Variants in TUSC3 observed in about 807,000 individuals in gnomAD.
TUSC3 encodes dolichyl-diphosphooligosaccharide--protein glycosyltransferase subunit TUSC3.
A neutral mutation model predicts 44.8 loss-of-function variants in TUSC3; 45 were observed. The ratio of observed to expected loss-of-function variants is 1.00; its 90% CI spans 0.79 to 1.29. The LOEUF is 1.29. Ranked by LOEUF, TUSC3 falls within the 50% of genes most tolerant of loss-of-function variation. The pLI is 0.00. For synonymous variants in TUSC3, 212 were observed against 152.9 expected, an observed-to-expected ratio of 1.39 and a Z score of -2.85; for missense variants, 519 against 437.9, an observed-to-expected ratio of 1.19 and a Z score of -1.65.
At chr8:15,782,925 G>A in the TUSC3 span, among the ~76,000 whole-genome samples, 2 of 152,076 alleles carry the variant, frequency 1.3e-5, no homozygotes, top group African/African-American at 4.8e-5. Context: ...AAAAGGAAGA[G>A]CGAATTGTGT....
At chr8:15,446,787 A>G (rs868118355) in intron 1 of TUSC3, among the ~76,000 whole-genome samples, 17 of 151,578 alleles carry the variant, frequency 1.1e-4, no homozygotes, top group South Asian at 4.2e-4. Flanking sequence ...TAACTCTTTA[A>G]GAATAATTTA....
chr8:15,490,972 GC>G (rs201425659), intron 2 of TUSC3, among the ~76,000 whole-genome samples: 2 of 151,978 alleles, frequency 1.3e-5, no homozygotes, highest in Non-Finnish European at 2.9e-5. Context: ...AGGGTCTGGG[GC>G]CCCCCCAATC....
intron 2 of TUSC3, among the ~76,000 whole-genome samples, chr8:15,485,598 T>G (rs1218190328): frequency 1.3e-5 from 2 of 151,684 alleles, no homozygotes; most frequent in African/African-American, 4.8e-5. Flanking sequence ...TAATCATGGG[T>G]ACTTTCCCAA....
intron 1 of TUSC3, among the ~76,000 whole-genome samples, chr8:15,609,468 C>G (rs1804669580): frequency 1.3e-5 from 2 of 152,026 alleles, no homozygotes; most frequent in East Asian, 3.9e-4. Flanking sequence ...TTTCTTATAT[C>G]TGGTACTTGT....
chr8:15,556,106 C>A (rs909605726), intron 1 of TUSC3, among the ~76,000 whole-genome samples: 2 of 150,416 alleles, frequency 1.3e-5, no homozygotes, highest in African/African-American at 4.9e-5. Flanking sequence ...ACTGCACCCA[C>A]TAACTCGTCA....
At chr8:15,506,258 T>A (rs1247544113) in intron 2 of TUSC3, among the ~76,000 whole-genome samples, 3 of 152,148 alleles carry the variant, frequency 2.0e-5, no homozygotes, top group Non-Finnish European at 4.4e-5. Context: ...TCTCTCTCAG[T>A]CCCACTCTCC....
chr8:15,564,901 A>G (rs1471023414), intron 1 of TUSC3, among the ~76,000 whole-genome samples: 1 of 152,076 alleles, frequency 6.6e-6, no homozygotes, highest in Non-Finnish European at 1.5e-5. Context: ...GATAGAAGAG[A>G]AGGAGAGAGG....
the TUSC3 span, among the ~76,000 whole-genome samples, chr8:15,794,950 T>C: frequency 5.9e-5 from 9 of 152,096 alleles, no homozygotes; most frequent in Admixed American, 2.0e-4. Flanking sequence ...ATGGGTTATC[T>C]CCCAACATCT....
At chr8:15,792,413 T>G in the TUSC3 span, among the ~76,000 whole-genome samples, 1 of 152,106 alleles carries the variant, frequency 6.6e-6, no homozygotes, top group Non-Finnish European at 1.5e-5. Context: ...GAGATCATTT[T>G]TGAGATACAA....
intron 6 of TUSC3, among the ~76,000 whole-genome samples, chr8:15,718,821 TTAAAA>T (rs1270218335): frequency 6.6e-6 from 1 of 152,240 alleles, no homozygotes; most frequent in East Asian, 1.9e-4. Context: ...AATTTGGACA[TTAAAA>T]TAACTAAATC....
At chr8:15,851,908 G>A in the TUSC3 span, among the ~76,000 whole-genome samples, 11 of 152,224 alleles carry the variant, frequency 7.2e-5, no homozygotes, top group East Asian at 1.9e-4. Flanking sequence ...TACTGTTCTC[G>A]TGGTAGTGGG....
chr8:15,722,263 T>C (rs985455026), intron 6 of TUSC3, among the ~76,000 whole-genome samples: 2 of 151,464 alleles, frequency 1.3e-5, no homozygotes, highest in South Asian at 4.2e-4. Context: ...TTTTTTTTTT[T>C]CCTTTACCTA....
At chr8:15,769,728 A>G (rs60091479), downstream of TUSC3, among the ~76,000 whole-genome samples, 1,162 of 151,912 alleles carry the variant, frequency 7.6e-3, 44 homozygotes, top group East Asian at 0.12. Context: ...TGAAATTTAT[A>G]AGAGAAAACC....
chr8:15,705,654 T>C (rs1014513369), intron 6 of TUSC3, among the ~76,000 whole-genome samples: 3 of 152,054 alleles, frequency 2.0e-5, no homozygotes, highest in Non-Finnish European at 4.4e-5. Context: ...CCCTATGTGA[T>C]AGAGTGGAAG....
intron 6 of TUSC3, among the ~76,000 whole-genome samples, chr8:15,712,337 T>A (rs1280584469): frequency 6.6e-6 from 1 of 152,048 alleles, no homozygotes; most frequent in Non-Finnish European, 1.5e-5. Context: ...GTTTAACTTC[T>A]GTCACTACCT....
intron 3 of TUSC3, among the ~76,000 whole-genome samples, chr8:15,657,612 C>G (rs552547092): frequency 2.1e-4 from 32 of 152,214 alleles, no homozygotes; most frequent in Admixed American, 3.9e-4. Flanking sequence ...CACCTCCCCT[C>G]TTCTTCTGAG....
chr8:15,620,945 A>T (rs578094091), intron 1 of TUSC3, among the ~76,000 whole-genome samples: 1 of 152,226 alleles, frequency 6.6e-6, no homozygotes, highest in Admixed American at 6.5e-5. Flanking sequence ...CAGTAAGATT[A>T]TTGTAGAAAT....
chr8:15,442,794 T>G (rs917037314), intron 1 of TUSC3, among the ~76,000 whole-genome samples: 1 of 152,134 alleles, frequency 6.6e-6, no homozygotes, highest in Non-Finnish European at 1.5e-5. Flanking sequence ...TTAGTCAGGC[T>G]CCTCTGAGTC....
intron 1 of TUSC3, among the ~76,000 whole-genome samples, chr8:15,619,439 C>A (rs1203891404): frequency 6.6e-6 from 1 of 151,906 alleles, no homozygotes; most frequent in Non-Finnish European, 1.5e-5. Flanking sequence ...TTAGAAGTGA[C>A]AAAATTTTAT....
Sources: gnomAD v4.1 joint callset for allele counts (sites outside exome capture counted in the v4.1 genomes callset) on GRCh38, gnomAD v4.1.1 for gene constraint, MANE v1.5 for transcripts, NCBI Gene and HGNC (gene_info 2026-07-23, HGNC 2026-07-21) for gene names.